The following ATP8A1 variants were observed in gnomAD, a reference collection of about 807,000 sequenced individuals.
ATP8A1 encodes the protein ATPase phospholipid transporting 8A1, also known as phospholipid-transporting ATPase IA.
In ATP8A1, 90 loss-of-function variants were observed where a neutral mutation model predicts 177.7. The ratio of observed to expected loss-of-function variants is 0.51; its 90% CI spans 0.43 to 0.60. The LOEUF (loss-of-function observed/expected upper bound fraction) is 0.60. Ranked by LOEUF, ATP8A1 falls within the 20% of genes least tolerant of loss-of-function variation. ATP8A1 has a pLI of 0.00. For missense variants in ATP8A1, 1,072 were observed against 1,392.8 expected, an observed-to-expected ratio of 0.77 and a Z score of 3.67; for synonymous variants, 493 against 485.9, an observed-to-expected ratio of 1.01 and a Z score of -0.19.
intron 1 of ATP8A1, among the ~76,000 whole-genome samples, chr4:42,636,152 A>ACGCGTGCGCG (rs1276251388): frequency 5.9e-5 from 2 of 33,712 alleles, no homozygotes; most frequent in Non-Finnish European, 9.9e-5. Context: ...ACACACACAC[A>ACGCGTGCGCG]CACACGCACA....
chr4:42,572,690 CG>C (rs1428823390), intron 14 of ATP8A1, among the ~76,000 whole-genome samples: 2 of 152,150 alleles, frequency 1.3e-5, no homozygotes, highest in African/African-American at 4.8e-5. Context: ...AAACAGATTT[CG>C]GCTTATACAG....
intron 30 of ATP8A1, among the ~76,000 whole-genome samples, chr4:42,450,424 T>C (rs897013828): frequency 4.6e-5 from 7 of 152,196 alleles, no homozygotes; most frequent in Non-Finnish European, 8.8e-5. Flanking sequence ...ATTCAGTGAA[T>C]ATACTAAAAA....
chr4:42,472,661 G>A (rs996178558), intron 25 of ATP8A1, among the ~76,000 whole-genome samples: 16 of 151,308 alleles, frequency 1.1e-4, no homozygotes, highest in Admixed American at 2.6e-4. Flanking sequence ...GGAGAATTGC[G>A]TGAACCTGGG....
intron 25 of ATP8A1, among the ~76,000 whole-genome samples, chr4:42,469,174 T>A (rs1214392397): frequency 1.3e-5 from 2 of 152,212 alleles, no homozygotes; most frequent in African/African-American, 4.8e-5. Flanking sequence ...AAAAGTCTTT[T>A]AGAGCATTAT....
At chr4:42,528,078 A>G (rs562008699) in intron 20 of ATP8A1, among the ~76,000 whole-genome samples, 3 of 152,262 alleles carry the variant, frequency 2.0e-5, no homozygotes, top group African/African-American at 7.2e-5. Context: ...TCCTCCAGTT[A>G]AAATAGGGGT....
At chr4:42,552,805 C>A (rs1169435723) in intron 16 of ATP8A1, among the ~76,000 whole-genome samples, 195 bp from the exon 17 acceptor site, 2 of 152,106 alleles carry the variant, frequency 1.3e-5, no homozygotes, top group Non-Finnish European at 2.9e-5. Flanking sequence ...CTGGTGAAAC[C>A]CCGTCTCTAC....
intron 19 of ATP8A1, 142 bp from the exon 20 acceptor site, chr4:42,544,128 A>C: frequency 1.5e-6 from 1 of 648,148 alleles, no homozygotes; most frequent in Non-Finnish European, 2.6e-6. Flanking sequence ...ACATACACAA[A>C]CTATCCCTTG....
At chr4:42,423,047 C>A in intron 34 of ATP8A1, 148 bp from the exon 35 acceptor site, 1 of 475,652 alleles carries the variant, frequency 2.1e-6, no homozygotes, top group Non-Finnish European at 3.6e-6. Context: ...TAAAAATTAC[C>A]GTAATTTTGA....
At chr4:42,623,760 G>A (rs1025875017) in intron 4 of ATP8A1, among the ~76,000 whole-genome samples, 25 of 152,012 alleles carry the variant, frequency 1.6e-4, no homozygotes, top group Admixed American at 1.0e-3. Context: ...ATAGATGCTC[G>A]GTTTAATGCC....
intron 33 of ATP8A1, among the ~76,000 whole-genome samples, chr4:42,432,345 T>C (rs928393119): frequency 1.3e-5 from 2 of 152,208 alleles, no homozygotes; most frequent in Non-Finnish European, 2.9e-5. Flanking sequence ...AATATATCAG[T>C]AGAATGCTAG....
At chr4:42,478,432 G>C (rs577080188) in intron 25 of ATP8A1, among the ~76,000 whole-genome samples, 1 of 152,226 alleles carries the variant, frequency 6.6e-6, no homozygotes, top group South Asian at 2.1e-4. Context: ...ATACACATAT[G>C]ATAGATATTT....
intron 5 of ATP8A1, among the ~76,000 whole-genome samples, chr4:42,605,419 T>C (rs1031294756): frequency 7.8e-6 from 1 of 128,130 alleles, no homozygotes; most frequent in African/African-American, 2.7e-5. Flanking sequence ...TACAGATGTT[T>C]GTTAGTTCAC....
At chr4:42,574,520 C>A in intron 14 of ATP8A1, 99 bp downstream of exon 14, 2 of 929,116 alleles carry the variant, frequency 2.2e-6, no homozygotes, top group Middle Eastern at 2.1e-4. Flanking sequence ...AAAAACCAAA[C>A]AACCCCATAC....
chr4:42,467,895 G>C (rs971643079), intron 25 of ATP8A1, among the ~76,000 whole-genome samples: 3 of 152,070 alleles, frequency 2.0e-5, no homozygotes, highest in Non-Finnish European at 4.4e-5. Flanking sequence ...GTAGACTCTG[G>C]ATATTTGTTC....
chr4:42,552,661 C>T (rs1729621596), intron 16 of ATP8A1, 51 bp from the exon 17 acceptor site: 1 of 1,285,258 alleles, frequency 7.8e-7, no homozygotes, highest in Non-Finnish European at 1.1e-6. Context: ...AACATTTTGA[C>T]ACTGACAGTA....
At chr4:42,534,902 G>A (rs949640316) in intron 20 of ATP8A1, among the ~76,000 whole-genome samples, 4 of 152,090 alleles carry the variant, frequency 2.6e-5, no homozygotes, top group East Asian at 1.9e-4. Flanking sequence ...TGTATCCAGC[G>A]AAACTAAGCT....
chr4:42,616,908 T>C (rs1736974555), intron 4 of ATP8A1, among the ~76,000 whole-genome samples: 1 of 152,214 alleles, frequency 6.6e-6, no homozygotes, highest in African/African-American at 2.4e-5. Flanking sequence ...GGCTTCCATC[T>C]AAATTTACAG....
At chr4:42,493,368 T>A (rs1018668255) in intron 24 of ATP8A1, among the ~76,000 whole-genome samples, 18 of 152,250 alleles carry the variant, frequency 1.2e-4, no homozygotes, top group African/African-American at 4.3e-4. Flanking sequence ...TTGAAAAAAA[T>A]TCCCTAATGA....
chr4:42,442,849 T>C (rs1429557263), intron 33 of ATP8A1, among the ~76,000 whole-genome samples: 1 of 152,182 alleles, frequency 6.6e-6, no homozygotes, highest in Non-Finnish European at 1.5e-5. Flanking sequence ...TACTGTGAGG[T>C]CACAGGAAAT....
Sources: gnomAD v4.1 joint callset for allele counts (sites outside exome capture counted in the v4.1 genomes callset) on GRCh38, gnomAD v4.1.1 for gene constraint, MANE v1.5 for transcripts, NCBI Gene and HGNC (gene_info 2026-07-23, HGNC 2026-07-21) for gene names.